The following MCC variants were observed in gnomAD, a reference collection of about 807,000 sequenced individuals.
MCC encodes MCC regulator of Wnt signaling pathway, also known as colorectal mutant cancer protein.
In MCC, 90 loss-of-function variants were observed where a neutral mutation model predicts 116.2. That is an observed-to-expected ratio of 0.77 (90% confidence interval 0.65 to 0.92). MCC has a LOEUF of 0.92. Ranked by LOEUF, MCC falls within the 40% of genes least tolerant of loss-of-function variation. The pLI, the probability that MCC is intolerant of heterozygous loss-of-function variation, is 0.00. For missense variants in MCC, 1,516 were observed against 1,312.2 expected (o/e 1.16, Z -2.40); for synonymous variants, 578 against 510.5 (o/e 1.13, Z -1.78).
intron 16 of MCC, chr5:113,044,389 G>T: frequency 1.7e-6 from 1 of 587,428 alleles, no homozygotes; most frequent in Non-Finnish European, 2.1e-6. Flanking sequence ...ACTATTCAAA[G>T]CAGTGACCAT....
At chr5:113,081,896 G>T (rs74895114) in intron 11 of MCC, among the ~76,000 whole-genome samples, 2 of 152,180 alleles carry the variant, frequency 1.3e-5, no homozygotes, top group Non-Finnish European at 2.9e-5. Flanking sequence ...AAGCAACAGC[G>T]GATGGGGAAC....
At chr5:113,029,124 G>C in intron 17 of MCC, 68 bp from the exon 18 acceptor site, 3 of 1,488,140 alleles carry the variant, frequency 2.0e-6, no homozygotes. Flanking sequence ...CACTCCCTGG[G>C]AAGTGGTGAC....
At chr5:113,202,046 CT>C (rs1762704720) in intron 3 of MCC, among the ~76,000 whole-genome samples, 1 of 152,142 alleles carries the variant, frequency 6.6e-6, no homozygotes, top group Non-Finnish European at 1.5e-5. Flanking sequence ...GCAAGCTTTC[CT>C]TTACCACACA....
At chr5:113,373,112 G>A (rs1346178695) in intron 2 of MCC, among the ~76,000 whole-genome samples, 2 of 151,796 alleles carry the variant, frequency 1.3e-5, no homozygotes, top group Non-Finnish European at 2.9e-5. Context: ...CCGAGAGGCG[G>A]AGCTTGCAGT....
intron 1 of MCC, among the ~76,000 whole-genome samples, chr5:113,428,940 G>A (rs749409011): frequency 1.9e-4 from 29 of 152,104 alleles, no homozygotes; most frequent in Admixed American, 3.3e-4. Context: ...TTATCCAGCC[G>A]AATTGTTTCC....
intron 17 of MCC, among the ~76,000 whole-genome samples, chr5:113,031,448 C>G (rs1343551239): frequency 2.6e-5 from 4 of 151,866 alleles, no homozygotes; most frequent in African/African-American, 9.7e-5. Flanking sequence ...CCCAGCAGTC[C>G]TCCTCCAGCG....
At chr5:113,333,781 ATATATATT>A (rs1767758110) in intron 3 of MCC, among the ~76,000 whole-genome samples, 1 of 118,760 alleles carries the variant, frequency 8.4e-6, no homozygotes, top group South Asian at 2.4e-4. Context: ...TCTTTGCTTC[ATATATATT>A]TATATATATA....
intron 3 of MCC, among the ~76,000 whole-genome samples, chr5:113,328,106 A>C (rs572937345): frequency 6.6e-6 from 1 of 152,110 alleles, no homozygotes; most frequent in South Asian, 2.1e-4. Context: ...CAGTCTTATA[A>C]ATACGACTTA....
chr5:113,082,920 C>A lies in MCC; in HGVS notation c.1724G>T (p.Gly575Val). The A allele has an allele frequency of 1.9e-6, 3 of 1,614,182 alleles. No homozygotes were observed. Among genetic ancestry groups the A allele is most frequent in the Non-Finnish European group, 2.5e-6 (3 of 1,180,038 alleles). ...QEIFQTLYSHGSAISESKIRE... is the reference protein window; with the variant it reads ...QEIFQTLYSHVSAISESKIRE... ...AATCTTGCTTTCTGAGATGGCAGAT[C>A]CGTGTGAGTAGAGTGTTTGGAAAAT... Residue 575 changes from glycine (G) to valine (V), a missense_variant, in exon 11 of 19, where the codon GGA becomes GTA. By Grantham distance (109) the Gly-to-Val change is moderately radical (BLOSUM62 -3). Transcript: ENST00000408903.
chr5:113,194,838 G>A (rs1185065745), intron 3 of MCC, among the ~76,000 whole-genome samples: 1 of 152,214 alleles, frequency 6.6e-6, no homozygotes, highest in Non-Finnish European at 1.5e-5. Context: ...TTGTGAAAAT[G>A]AATCTAGATG....
intron 6 of MCC, among the ~76,000 whole-genome samples, chr5:113,111,645 C>T (rs1022896829): frequency 6.6e-6 from 1 of 152,124 alleles, no homozygotes; most frequent in African/African-American, 2.4e-5. Flanking sequence ...TTTCAGTGAC[C>T]ACAAATACAC....
intron 3 of MCC, among the ~76,000 whole-genome samples, chr5:113,268,843 T>C (rs922804932): frequency 6.6e-6 from 1 of 152,120 alleles, no homozygotes; most frequent in African/African-American, 2.4e-5. Context: ...ACACATTAGC[T>C]AAAACACACC....
At chr5:113,238,781 G>A (rs59073951) in intron 3 of MCC, among the ~76,000 whole-genome samples, 4,592 of 152,280 alleles carry the variant, frequency 0.03, 95 homozygotes, top group East Asian at 0.068. Flanking sequence ...AATATGGCAA[G>A]AGAAAAAGAC....
intron 17 of MCC, among the ~76,000 whole-genome samples, chr5:113,036,405 G>T (rs1027593768): frequency 1.3e-5 from 2 of 152,168 alleles, no homozygotes; most frequent in African/African-American, 4.8e-5. Context: ...TGTCTGCAGA[G>T]CCTGTGCCCT....
intron 6 of MCC, among the ~76,000 whole-genome samples, chr5:113,112,161 G>A (rs556923019): frequency 2.0e-5 from 3 of 152,292 alleles, no homozygotes; most frequent in African/African-American, 7.2e-5. Context: ...CCTGGGGATC[G>A]GTACTTGCTT....
In MCC at chr5:113,026,381, G is replaced by A. The variant is rs1440201816; in HGVS notation, c.*921C>T. The A allele has an allele frequency of 1.3e-5, 2 of 152,268 alleles. No homozygotes were observed. The highest frequency in any genetic ancestry group is 4.8e-5 in the African/African-American group (2 of 41,460). The allele number at this position is 152,268 out of a possible 1,614,324, so 9.4% of individuals were successfully genotyped here. Reference sequence around the variant, plus strand: ...TCCAGAGCTACAAATGCACCCATGTGGAAGAGATTTGATTCAGCAGAACAG... The same window carrying A: ...TCCAGAGCTACAAATGCACCCATGTAGAAGAGATTTGATTCAGCAGAACAG... On this transcript the variant is annotated 3_prime_UTR_variant, in exon 19 of 19. Coordinates refer to ENST00000408903, the MANE Select transcript of MCC (RefSeq NM_001085377.2).
chr5:113,149,535 G>A (rs1447681581), intron 4 of MCC, among the ~76,000 whole-genome samples: 3 of 152,062 alleles, frequency 2.0e-5, no homozygotes, highest in Admixed American at 6.6e-5. Context: ...TCAGATGCCC[G>A]TCAAATGTGA....
chr5:113,277,124 C>T (rs1279901776), intron 3 of MCC, among the ~76,000 whole-genome samples: 5 of 151,820 alleles, frequency 3.3e-5, no homozygotes, highest in Admixed American at 6.6e-5. Context: ...AGGCAGATCA[C>T]CTGAGGTCAG....
intron 3 of MCC, among the ~76,000 whole-genome samples, chr5:113,183,592 T>A (rs1028652050): frequency 1.3e-5 from 2 of 151,624 alleles, no homozygotes; most frequent in African/African-American, 2.4e-5. Context: ...CAAATTACAA[T>A]CCCCCCTCAG....
Sources: allele counts gnomAD v4.1 joint callset (sites outside exome capture counted in the v4.1 genomes callset), GRCh38; gene constraint gnomAD v4.1.1; transcripts MANE v1.5; gene names NCBI Gene and HGNC (gene_info 2026-07-23, HGNC 2026-07-21).